Variants in SFMBT1 observed in about 807,000 individuals in gnomAD.
The protein encoded by SFMBT1 is Scm like with four mbt domains 1, also known as scm-like with four MBT domains protein 1.
Under a neutral mutation model 108.7 loss-of-function variants are expected in SFMBT1, and 32 were observed. The ratio of observed to expected loss-of-function variants is 0.29; its 90% CI spans 0.22 to 0.40. SFMBT1 has a LOEUF of 0.40. Ranked by LOEUF, SFMBT1 falls within the 10% of genes least tolerant of loss-of-function variation. The pLI is 1.00. For synonymous variants in SFMBT1, 348 were observed against 369.5 expected (o/e 0.94, Z 0.67); for missense variants, 816 against 1,059.6 (o/e 0.77, Z 3.19).
At chr3:52,973,008 C>T (rs1029771012) in intron 1 of SFMBT1, among the ~76,000 whole-genome samples, 8 of 151,852 alleles carry the variant, frequency 5.3e-5, no homozygotes, top group African/African-American at 1.2e-4. Context: ...GGTGACAGAG[C>T]GAGACTCTGC....
At chr3:52,938,713 T>C (rs1020639789) in intron 4 of SFMBT1, among the ~76,000 whole-genome samples, 1 of 152,180 alleles carries the variant, frequency 6.6e-6, no homozygotes. Context: ...ATATTTTTTA[T>C]AGTAATAATG....
At chr3:52,989,619 C>T (rs11130335) in intron 1 of SFMBT1, among the ~76,000 whole-genome samples, 40,431 of 151,236 alleles carry the variant, frequency 0.27, 5,949 homozygotes, top group Middle Eastern at 0.41. Flanking sequence ...GCTAACACGG[C>T]GAAATGCTGT....
chr3:52,911,169 T>G lies in SFMBT1; in HGVS notation c.1740A>C (p.Gly580=). 1.9e-6 allele frequency: 3 copies of G among 1,604,646 alleles called. No homozygotes were observed. The highest frequency in any genetic ancestry group is 2.6e-6 in the Non-Finnish European group (3 of 1,175,810). Residue 580 remains glycine (G), a synonymous_variant, in exon 17 of 21, where the codon GGA becomes GGC. Coordinates refer to ENST00000394752, the MANE Select transcript of SFMBT1 (RefSeq NM_016329.4). Reference sequence around the variant, plus strand: ...TCTCAACAGTAGCCCGATAACTCTTTCCTTTATATCTGCCATTGGAAGACA... The same window carrying G: ...TCTCAACAGTAGCCCGATAACTCTTGCCTTTATATCTGCCATTGGAAGACA... ...CGEVLKAKYK[G]KSYRATVEIV...
intron 3 of SFMBT1, among the ~76,000 whole-genome samples, chr3:52,947,345 C>T (rs1298134702): frequency 6.6e-6 from 1 of 150,694 alleles, no homozygotes; most frequent in Non-Finnish European, 1.5e-5. Context: ...TCTCGATCTC[C>T]TGACCTTGTG....
rs751314773 is a variant in SFMBT1 at position 52,997,371 on chromosome 3, C to T, written c.-130-28113G>A. Reference sequence around the variant, plus strand: ...GCTAACACTGTGAAACCCGTCTCTACTAAAAACACAAAAAATTAGTCTGAT... The same window carrying T: ...GCTAACACTGTGAAACCCGTCTCTATTAAAAACACAAAAAATTAGTCTGAT... On this transcript the variant is annotated intron_variant, in intron 1 of 20. Transcript: ENST00000394752. Among the ~76,000 whole-genome samples the T allele has an allele frequency of 1.3e-5, 2 of 149,554 alleles. 1 individual carries two copies. The highest frequency in any genetic ancestry group is 3.0e-5 in the Non-Finnish European group (2 of 66,780).
intron 1 of SFMBT1, among the ~76,000 whole-genome samples, chr3:53,032,560 G>C (rs1699723440): frequency 6.6e-6 from 1 of 152,184 alleles, no homozygotes; most frequent in South Asian, 2.1e-4. Flanking sequence ...GAAATGACAA[G>C]ATGAGATCTC....
At chr3:52,941,422 C>A (rs146785964) in intron 4 of SFMBT1, among the ~76,000 whole-genome samples, 3 of 151,668 alleles carry the variant, frequency 2.0e-5, no homozygotes, top group Non-Finnish European at 4.4e-5. Flanking sequence ...GGCAAAATCC[C>A]GTCTCTACTA....
chr3:52,924,125 A>AG (rs1363286930), intron 10 of SFMBT1, among the ~76,000 whole-genome samples: 1 of 152,252 alleles, frequency 6.6e-6, no homozygotes, highest in Non-Finnish European at 1.5e-5. Context: ...CAAACTATGA[A>AG]GCAAGTCAGT....
intron 8 of SFMBT1, among the ~76,000 whole-genome samples, chr3:52,928,669 TATACACACACACAC>T (rs1702762711): frequency 1.4e-5 from 2 of 140,218 alleles, no homozygotes; most frequent in African/African-American, 5.1e-5. Flanking sequence ...TATATACATA[TATACACACACACAC>T]ATATATATAT....
Position 52,930,399 on chromosome 3 carries a change from G to C in SFMBT1, c.827C>G (p.Ser276Cys). The change falls in exon 8 of 21, where the codon TCT becomes TGT. Residue 276 changes from serine (S) to cysteine (C), a missense_variant. By Grantham distance (112) the Ser-to-Cys change is moderately radical (BLOSUM62 -1). Coordinates refer to ENST00000394752, the MANE Select transcript of SFMBT1 (RefSeq NM_016329.4). ...TACAGCTTCCAATTTCATGTTTACA[G>C]AGAATGTATGAATGCCAATAACTTG... ...DKQVIGIHTF[S>C]VNMKLEAVDP... 1 of 1,613,036 alleles carries C rather than the reference G, an allele frequency of 6.2e-7. No individual in the cohort carries two copies. The highest frequency in any genetic ancestry group is 8.5e-7 in the Non-Finnish European group (1 of 1,178,964).
intron 1 of SFMBT1, among the ~76,000 whole-genome samples, chr3:53,018,694 C>T (rs1699204824): frequency 6.6e-6 from 1 of 152,210 alleles, no homozygotes; most frequent in African/African-American, 2.4e-5. Flanking sequence ...CTCACTGGTA[C>T]TGCTCTTGTC....
rs55688451 is a variant in SFMBT1, at chr3:52,972,841, A to AACACACACACACACACAC, written c.-130-3601_-130-3584dup. On this transcript the variant is annotated intron_variant, in intron 1 of 20. Transcript: ENST00000394752. ...ATGTGGTAAAACCCCATCTCTACTA[A>AACACACACACACACACAC]ACACACACACACACACACACACACA... Among the ~76,000 whole-genome samples the AACACACACACACACACAC allele has an allele frequency of 1.7e-5, 2 of 118,914 alleles. 1 individual carries two copies. Among genetic ancestry groups the AACACACACACACACACAC allele is most frequent in the Admixed American group, 1.7e-4 (2 of 11,606 alleles). The allele number at this position is 118,914 out of a possible 152,430, so 78.0% of individuals were successfully genotyped here.
intron 10 of SFMBT1, among the ~76,000 whole-genome samples, chr3:52,922,693 T>C (rs1702554882): frequency 6.6e-6 from 1 of 152,180 alleles, no homozygotes; most frequent in African/African-American, 2.4e-5. Context: ...ACATTTAGGT[T>C]ATGCCATTGG....
intron 9 of SFMBT1, among the ~76,000 whole-genome samples, chr3:52,927,201 T>G (rs1030822354): frequency 6.6e-6 from 1 of 152,218 alleles, no homozygotes; most frequent in Non-Finnish European, 1.5e-5. Context: ...CTGTGTTCAC[T>G]GATGGAGGAG....
rs1416464228 is a variant in SFMBT1 at position 52,907,183 on chromosome 3, A to T, written c.2217T>A (p.Ser739=). ...SEMSEKKSCS[S]SPTQSEISTS... The stretch of plus-strand genomic sequence containing the variant: ...TGGATATCTCACTTTGGGTGGGAGA[A>T]GAGGAGCATGACTTTTTTTCTGACA... Residue 739 remains serine, a synonymous_variant, in exon 19 of 21, where the codon TCT becomes TCA. Coordinates refer to ENST00000394752, the MANE Select transcript of SFMBT1 (RefSeq NM_016329.4). 6.2e-7 allele frequency: 1 copy of T among 1,614,048 alleles called. No individual in the cohort carries two copies. Among genetic ancestry groups the T allele is most frequent in the African/African-American group, 1.3e-5 (1 of 74,930 alleles).
At chr3:52,994,942 T>C (rs1159461451) in intron 1 of SFMBT1, among the ~76,000 whole-genome samples, 1 of 147,056 alleles carries the variant, frequency 6.8e-6, no homozygotes, top group Non-Finnish European at 1.5e-5. Context: ...CACTATAGGT[T>C]AAAAGAGATT....
intron 2 of SFMBT1, among the ~76,000 whole-genome samples, chr3:52,964,058 C>G (rs984946716): frequency 6.6e-6 from 1 of 152,008 alleles, no homozygotes; most frequent in Admixed American, 6.6e-5. Context: ...CCCTATATTG[C>G]CCCAGCTGGC....
At chr3:52,926,600 T>C (rs186517069) in intron 9 of SFMBT1, among the ~76,000 whole-genome samples, 20 of 152,356 alleles carry the variant, frequency 1.3e-4, no homozygotes, top group Admixed American at 9.8e-4. Context: ...ATATCACTGA[T>C]ACAAATCCTC....
chr3:52,935,046 A>T (rs1702966308), intron 4 of SFMBT1, 145 bp from the exon 5 acceptor site: 1 of 629,260 alleles, frequency 1.6e-6, no homozygotes. Context: ...AAAAGATAAA[A>T]CAAAATAAAA....
Sources: gnomAD v4.1 joint callset for allele counts (sites outside exome capture counted in the v4.1 genomes callset) on GRCh38, gnomAD v4.1.1 for gene constraint, MANE v1.5 for transcripts, NCBI Gene and HGNC (gene_info 2026-07-23, HGNC 2026-07-21) for gene names.